The following ANO7 variants were observed in gnomAD, a reference collection of about 807,000 sequenced individuals.
ANO7 encodes anoctamin-7.
ANO7 carries 114 observed loss-of-function variants against 115.8 expected under a neutral mutation model. That is an observed-to-expected ratio of 0.98 (90% CI 0.85 to 1.15). ANO7 has a LOEUF of 1.15. Among genes scored for constraint, ANO7 ranks in the 50% most tolerant of loss-of-function variants. The pLI is 0.00. For synonymous variants in ANO7, 550 were observed against 498.2 expected, an observed-to-expected ratio of 1.10 and a Z score of -1.38; for missense variants, 1,302 against 1,201.2, an observed-to-expected ratio of 1.08 and a Z score of -1.24.
At chr2:241,239,669 G>A in the ANO7 span, 1 of 1,614,196 alleles carries the variant, frequency 6.2e-7, no homozygotes, top group Admixed American at 1.7e-5. This position sits in a 1 kb window ranked among gnomAD's most constrained non-coding sequence, Gnocchi z 4.6. Context: ...GCCCTTGAGG[G>A]TGACTTTGTC....
chr2:241,215,414 C>T (rs2068808189), intron 18 of ANO7, among the ~76,000 whole-genome samples: 1 of 152,230 alleles, frequency 6.6e-6, no homozygotes, highest in African/African-American at 2.4e-5. Context: ...GCCTCCCGCT[C>T]AAGGCCAGAC....
At chr2:241,202,024 G>T (rs949677580) in intron 7 of ANO7, among the ~76,000 whole-genome samples, 170 bp from the exon 8 acceptor site, 5 of 152,254 alleles carry the variant, frequency 3.3e-5, no homozygotes, top group African/African-American at 1.2e-4. Context: ...TCCTGCATGT[G>T]CATGTGCGGT....
chr2:241,196,725 C>T (rs139381026), intron 4 of ANO7, among the ~76,000 whole-genome samples: 13 of 152,358 alleles, frequency 8.5e-5, no homozygotes, highest in East Asian at 1.9e-4. Context: ...CTTGCCTTGC[C>T]GCAGGCAGCT....
At position 241,203,040 on chromosome 2, in the gene ANO7, C is replaced by G. The variant is rs1213218026; in HGVS notation, c.724-293C>G. Reference sequence around the variant, plus strand: ...CTCCAACCCAGAGAAGGTGCTGGACCCTGGACCACCGCCACTGGCTTCTCT... The same window carrying G: ...CTCCAACCCAGAGAAGGTGCTGGACGCTGGACCACCGCCACTGGCTTCTCT... On this transcript the variant is annotated intron_variant, in intron 8 of 24. Coordinates refer to ENST00000674324, the MANE Select transcript of ANO7 (RefSeq NM_001370694.2). This position sits in a 1 kb window ranked among gnomAD's most constrained non-coding sequence, Gnocchi z 4.8. 6.6e-6 allele frequency among the ~76,000 whole-genome samples: 1 copy of G among 152,190 alleles called. No homozygotes were observed. Among genetic ancestry groups the G allele is most frequent in the East Asian group, 1.9e-4 (1 of 5,198 alleles).
Position 241,209,514 on chromosome 2 carries a change from A to C in ANO7, c.1238A>C (p.Gln413Pro). ...YEDTEERPRP[Q>P]FAASAPMTAP... ...CCCTTCCAGGAGAGGCCTCGGCCCC[A>C]GTTTGCCGCCTCAGCCCCCATGACA... The change falls in exon 13 of 25, where the codon CAG becomes CCG. Residue 413 changes from glutamine (Q) to proline (P), a missense_variant. Physicochemically the swap from Gln to Pro is moderately conservative, Grantham distance 76. Transcript: ENST00000674324. The C allele has an allele frequency of 6.3e-7, 1 of 1,591,206 alleles. No individual in the cohort carries two copies. The highest frequency in any genetic ancestry group is 8.6e-7 in the Non-Finnish European group (1 of 1,168,580).
rs766990123 is a variant in ANO7 at position 241,199,370 on chromosome 2, T to C, written c.364T>C (p.Trp122Arg). ...TVHYALLSAS[W>R]AVLCYYAEDL... ...GCACTACGCCCTCCTCAGCGCCTCC[T>C]GGGCTGTGCTCTGCTACTACGCCGA... is the stretch of plus-strand genomic sequence containing the variant. The change falls in exon 5 of 25, where the codon TGG (tryptophan) becomes CGG (arginine). Residue 122 changes from tryptophan to arginine, a missense_variant. Physicochemically the swap from Trp to Arg is moderately radical, Grantham distance 101 (BLOSUM62 -3). Transcript: ENST00000674324. 2 of 1,613,712 alleles carry C rather than the reference T, an allele frequency of 1.2e-6. No individual in the cohort carries two copies. Among genetic ancestry groups the C allele is most frequent in the East Asian group, 4.5e-5 (2 of 44,902 alleles).
the ANO7 span, chr2:241,238,418 C>A: frequency 1.4e-5 from 5 of 366,246 alleles, no homozygotes; most frequent in Non-Finnish European, 4.9e-6. The surrounding 1 kb of genome is among the most constrained non-coding windows in gnomAD (Gnocchi z 4.9). Flanking sequence ...GGACTGGCTA[C>A]CTTGTGTGTC....
intron 3 of ANO7, among the ~76,000 whole-genome samples, chr2:241,194,885 A>G (rs2068286846): frequency 6.6e-6 from 1 of 152,192 alleles, no homozygotes; most frequent in Non-Finnish European, 1.5e-5. Flanking sequence ...CCTGCAGTTA[A>G]GGGGACTCCG....
Position 241,218,311 on chromosome 2 carries a change from C to T in ANO7, c.2251C>T (p.Arg751Cys), listed in dbSNP as rs911167535. 6.5e-7 allele frequency: 1 copy of T among 1,531,802 alleles called. No individual in the cohort carries two copies. Among genetic ancestry groups the T allele is most frequent in the South Asian group, 1.2e-5 (1 of 84,176 alleles). The allele number at this position is 1,531,802 out of a possible 1,614,324, so 94.9% of individuals were successfully genotyped here. Residue 751 changes from arginine (R) to cysteine (C), a missense_variant, in exon 21 of 25, where the codon CGC becomes TGC. By Grantham distance (180) the Arg-to-Cys change is radical (BLOSUM62 -3). Coordinates refer to ENST00000674324, the MANE Select transcript of ANO7 (RefSeq NM_001370694.2). ...CCGGTGGACCCGCGCCCACGACCTG[C>T]GCGGCTTCCTCAACTTCACGCTGGC... Reference protein sequence around the residue: ...YYRWTRAHDLRGFLNFTLARA... With the variant: ...YYRWTRAHDLCGFLNFTLARA...
At chr2:241,213,026 G>T (rs943197487) in intron 17 of ANO7, 7 of 223,280 alleles carry the variant, frequency 3.1e-5, no homozygotes, top group Non-Finnish European at 6.2e-5. Flanking sequence ...GTCCCAGCCC[G>T]TATTACTCTT....
downstream of ANO7, chr2:241,227,179 G>C (rs1323780575): frequency 6.6e-6 from 1 of 152,346 alleles, no homozygotes; most frequent in East Asian, 1.9e-4. Flanking sequence ...GAGAACTGCT[G>C]AGAAAATCAC....
rs113377956 is a variant in ANO7, at chr2:241,209,265, G to A, written c.1078-20G>A. On this transcript the variant is annotated intron_variant, in intron 11 of 24. Coordinates refer to ENST00000674324, the MANE Select transcript of ANO7 (RefSeq NM_001370694.2). ...CCTCCAGTCCCAAGCAAGTCTGGAC[G>A]CCCCCGCTCCCTGCCACAGGCCGGC... is the stretch of plus-strand genomic sequence containing the variant. 3.9e-5 allele frequency: 60 copies of A among 1,542,492 alleles called. No individual in the cohort carries two copies. The highest frequency in any genetic ancestry group is 1.8e-4 in the African/African-American group (13 of 73,182).
At chr2:241,240,167 G>A in the ANO7 span, 1 of 1,576,980 alleles carries the variant, frequency 6.3e-7, no homozygotes, top group African/African-American at 1.3e-5. The surrounding 1 kb of genome is among the most constrained non-coding windows in gnomAD (Gnocchi z 5.5). Context: ...CCACGTGCCT[G>A]GACCACAGTG....
intron 3 of ANO7, 119 bp downstream of exon 3, chr2:241,191,370 G>A: frequency 7.8e-7 from 1 of 1,278,216 alleles, no homozygotes; most frequent in Non-Finnish European, 1.1e-6. Flanking sequence ...TCTGGGGCCA[G>A]TTGCTTGGGG....
At chr2:241,239,632 C>T in the ANO7 span, 4 of 1,614,242 alleles carry the variant, frequency 2.5e-6, no homozygotes, top group Admixed American at 5.0e-5. This position sits in a 1 kb window ranked among gnomAD's most constrained non-coding sequence, Gnocchi z 4.6. Flanking sequence ...GAATGCGTTT[C>T]TTGGCTGCCT....
chr2:241,218,321 T>C lies in ANO7; in HGVS notation c.2261T>C (p.Leu754Pro). The C allele has an allele frequency of 6.6e-7, 1 of 1,522,408 alleles. No homozygotes were observed. Among genetic ancestry groups the C allele is most frequent in the Admixed American group, 1.9e-5 (1 of 51,514 alleles). The allele number at this position is 1,522,408 out of a possible 1,614,324, so 94.3% of individuals were successfully genotyped here. A position where few individuals can be genotyped will look rare whatever the true frequency, so the allele number is the denominator to read the frequency against. Residue 754 changes from leucine (L) to proline (P), a missense_variant, in exon 21 of 25, where the codon CTC becomes CCC. Leu to Pro is a moderately conservative substitution (Grantham distance 98, BLOSUM62 -3). Transcript: ENST00000674324. Reference sequence around the variant, plus strand: ...CGCGCCCACGACCTGCGCGGCTTCCTCAACTTCACGCTGGCGCGAGCCCCG... The same window carrying C: ...CGCGCCCACGACCTGCGCGGCTTCCCCAACTTCACGCTGGCGCGAGCCCCG... ...WTRAHDLRGFLNFTLARAPSS... is the reference protein window; with the variant it reads ...WTRAHDLRGFPNFTLARAPSS...
chr2:241,209,289 G>T lies in ANO7; in HGVS notation c.1082G>T (p.Gly361Val). 1 of 1,553,000 alleles carries T rather than the reference G, an allele frequency of 6.4e-7. No individual in the cohort carries two copies. Residue 361 changes from glycine (G) to valine (V), a missense_variant, in exon 12 of 25, where the codon GGC becomes GTC. Transcript: ENST00000674324. ...LSSACALAQA[G>V]RLFDHGGTVF... The stretch of plus-strand genomic sequence containing the variant: ...CGCCCCCGCTCCCTGCCACAGGCCG[G>T]CCGGCTGTTCGACCACGGCGGCACC...
At chr2:241,201,484 C>A in intron 7 of ANO7, 129 bp downstream of exon 7, 2 of 1,007,008 alleles carry the variant, frequency 2.0e-6, no homozygotes, top group South Asian at 1.7e-5. Flanking sequence ...AGCCCGGAGG[C>A]TTTGGAAACT....
At chr2:241,227,587 G>A (rs1020954378), downstream of ANO7, 6 of 152,650 alleles carry the variant, frequency 3.9e-5, no homozygotes, top group Admixed American at 2.0e-4. Context: ...AAAAGAGAGC[G>A]CTGAACAGTT....
Sources: gnomAD v4.1 joint callset for allele counts (sites outside exome capture counted in the v4.1 genomes callset) on GRCh38, gnomAD v4.1.1 for gene constraint, Gnocchi (gnomAD v3.1) non-coding constraint, MANE v1.5 for transcripts, NCBI Gene and HGNC (gene_info 2026-07-23, HGNC 2026-07-21) for gene names.